DLGAP2: variants seen among roughly 807,000 people sequenced by gnomAD.
DLGAP2 encodes the protein disks large-associated protein 2.
DLGAP2 carries 26 observed loss-of-function variants against 100.3 expected under a neutral mutation model. The observed-to-expected ratio is 0.26, with a 90% CI of 0.19 to 0.36. The LOEUF (loss-of-function observed/expected upper bound fraction) is 0.36. DLGAP2 is among the 10% of genes least tolerant of loss of function. The probability of loss-of-function intolerance (pLI) is 1.00; values close to 1 mark genes in which losing one functional copy is unlikely to be tolerated. For synonymous variants in DLGAP2, 886 were observed against 630.1 expected, an observed-to-expected ratio of 1.41 and a Z score of -6.08; for missense variants, 1,858 against 1,453.2, an observed-to-expected ratio of 1.28 and a Z score of -4.53.
chr8:1,078,829 C>T, intron 2 of DLGAP2, among the ~76,000 whole-genome samples: 1 of 152,136 alleles, frequency 6.6e-6, no homozygotes, highest in East Asian at 1.9e-4. Flanking sequence ...CAGTTGCTTC[C>T]AAGTTTTGTC....
intron 1 of DLGAP2, among the ~76,000 whole-genome samples, chr8:877,112 A>C (rs966056340): frequency 6.6e-6 from 1 of 151,918 alleles, no homozygotes; most frequent in Non-Finnish European, 1.5e-5. Flanking sequence ...TTTTTCTAAT[A>C]AACCTGGCCT....
chr8:961,836 C>G (rs1799732132), intron 2 of DLGAP2, among the ~76,000 whole-genome samples: 1 of 152,134 alleles, frequency 6.6e-6, no homozygotes, highest in African/African-American at 2.4e-5. Flanking sequence ...CTTATTGAAA[C>G]TGTAAAAGTA....
At chr8:886,230 G>A (rs1303488901) in intron 1 of DLGAP2, among the ~76,000 whole-genome samples, 1 of 151,690 alleles carries the variant, frequency 6.6e-6, no homozygotes, top group South Asian at 2.1e-4. Flanking sequence ...GTATTTCTTT[G>A]AGGTCATTTT....
intron 3 of DLGAP2, among the ~76,000 whole-genome samples, chr8:1,479,938 T>C (rs140645169): frequency 2.0e-4 from 31 of 152,334 alleles, no homozygotes; most frequent in African/African-American, 5.5e-4. Context: ...AATTGGGTAG[T>C]GCTGGCGTGA....
rs1255449789 is a variant in DLGAP2 at position 1,644,089 on chromosome 8, CT to C, written c.1810+11044del. 2.9e-4 allele frequency among the ~76,000 whole-genome samples: 40 copies of C among 139,112 alleles called. 10 individuals carry two copies. Among genetic ancestry groups the C allele is most frequent in the African/African-American group, 1.1e-3 (39 of 35,314 alleles). The allele number at this position is 139,112 out of a possible 152,430, so 91.3% of individuals were successfully genotyped here. A position where few individuals can be genotyped will look rare whatever the true frequency, so the allele number is the denominator to read the frequency against. On this transcript the variant is annotated intron_variant, in intron 8 of 14. Coordinates refer to ENST00000637795, the MANE Select transcript of DLGAP2 (RefSeq NM_001346810.2). ...TGTGTCACCCTCGACCCCGCCGGTC[CT>C]CACCTGTGTCACCCTCGACCCCGCC... is the stretch of plus-strand genomic sequence containing the variant.
chr8:1,588,777 C>T (rs1025526800), intron 6 of DLGAP2, among the ~76,000 whole-genome samples: 3 of 147,800 alleles, frequency 2.0e-5, no homozygotes, highest in Non-Finnish European at 3.0e-5. Context: ...AAAAAATTAG[C>T]TGAGCATGGT....
At chr8:1,212,214 G>C (rs1798120475) in intron 2 of DLGAP2, among the ~76,000 whole-genome samples, 2 of 152,022 alleles carry the variant, frequency 1.3e-5, no homozygotes, top group South Asian at 4.2e-4. Flanking sequence ...ATCTTTCAAA[G>C]ACACGCAGGT....
intron 2 of DLGAP2, chr8:1,002,049 C>T (rs1289845865): frequency 2.0e-5 from 3 of 152,212 alleles, no homozygotes; most frequent in African/African-American, 4.8e-5. Context: ...TACCTGTTTA[C>T]ATAGATTTCC....
chr8:1,058,644 C>A (rs569774916), intron 2 of DLGAP2, among the ~76,000 whole-genome samples: 2 of 152,332 alleles, frequency 1.3e-5, no homozygotes, highest in South Asian at 4.1e-4. Context: ...TTCTAGCCAT[C>A]TACCAAGTAG....
intron 1 of DLGAP2, among the ~76,000 whole-genome samples, chr8:758,516 C>A (rs1009283089): frequency 6.6e-6 from 1 of 152,140 alleles, no homozygotes; most frequent in African/African-American, 2.4e-5. Flanking sequence ...TCTGCCCATC[C>A]CAAGGTGCCC....
intron 1 of DLGAP2, among the ~76,000 whole-genome samples, chr8:820,040 A>G (rs779268387): frequency 6.6e-6 from 1 of 152,238 alleles, no homozygotes; most frequent in Non-Finnish European, 1.5e-5. Flanking sequence ...ACTAAGAGAA[A>G]CACACTAGTG....
At chr8:1,515,904 T>C (rs1584975532) in intron 4 of DLGAP2, among the ~76,000 whole-genome samples, 1 of 152,362 alleles carries the variant, frequency 6.6e-6, no homozygotes, top group Admixed American at 6.5e-5. Flanking sequence ...CTTATTACAA[T>C]GTGCAGTTCC....
At chr8:1,488,555 G>A (rs1371656971) in intron 3 of DLGAP2, among the ~76,000 whole-genome samples, 2 of 152,158 alleles carry the variant, frequency 1.3e-5, no homozygotes, top group South Asian at 2.1e-4. Flanking sequence ...CAGGTAGCCC[G>A]AGGTGGGCTG....
intron 2 of DLGAP2, among the ~76,000 whole-genome samples, chr8:925,691 C>T (rs1232518599): frequency 6.6e-6 from 1 of 152,078 alleles, no homozygotes; most frequent in African/African-American, 2.4e-5. Flanking sequence ...ATATAAATCT[C>T]ATCATGTATA....
intron 2 of DLGAP2, among the ~76,000 whole-genome samples, chr8:1,234,417 C>G (rs1585175250): frequency 6.6e-6 from 1 of 152,224 alleles, no homozygotes; most frequent in Non-Finnish European, 1.5e-5. Context: ...TCACATGACA[C>G]TCCCTGTGGG....
intron 6 of DLGAP2, among the ~76,000 whole-genome samples, chr8:1,581,404 A>G (rs1208168506): frequency 2.6e-5 from 4 of 151,934 alleles, no homozygotes; most frequent in African/African-American, 9.7e-5. Context: ...GGATACAGAA[A>G]AAACCCCACA....
intron 3 of DLGAP2, among the ~76,000 whole-genome samples, chr8:1,353,061 C>T (rs1316058358): frequency 6.6e-6 from 1 of 152,150 alleles, no homozygotes; most frequent in Non-Finnish European, 1.5e-5. Flanking sequence ...GCATGAGCTG[C>T]CTTGAACAGC....
In DLGAP2 at chr8:942,258, T is replaced by G. The variant is rs555670326; in HGVS notation, c.73+34292T>G. On this transcript the variant is annotated intron_variant, in intron 2 of 14. Coordinates refer to ENST00000637795, the MANE Select transcript of DLGAP2 (RefSeq NM_001346810.2). ...GCCAATGGGCCCAGCCCTGAGCATTTCTGTTTATCTAAAGCTCTGCTGCCG... is the reference window on the plus strand; with the variant it reads ...GCCAATGGGCCCAGCCCTGAGCATTGCTGTTTATCTAAAGCTCTGCTGCCG... Among the ~76,000 whole-genome samples the G allele has an allele frequency of 9.0e-4, 137 of 152,334 alleles. 1 individual carries two copies. Among genetic ancestry groups the G allele is most frequent in the African/African-American group, 2.9e-3 (122 of 41,582 alleles).
chr8:1,157,955 A>C (rs993338327), intron 2 of DLGAP2, among the ~76,000 whole-genome samples: 1 of 152,234 alleles, frequency 6.6e-6, no homozygotes, highest in South Asian at 2.1e-4. Flanking sequence ...CTGTGCCTTC[A>C]AGAGTATCAG....
Sources: allele counts gnomAD v4.1 joint callset (sites outside exome capture counted in the v4.1 genomes callset), GRCh38; gene constraint gnomAD v4.1.1; transcripts MANE v1.5; gene names NCBI Gene and HGNC (gene_info 2026-07-23, HGNC 2026-07-21).